SPTLC3: variants seen among roughly 807,000 people sequenced by gnomAD.
SPTLC3 encodes serine palmitoyltransferase 3.
Under a neutral mutation model 59.3 loss-of-function variants are expected in SPTLC3, and 36 were observed. That is an observed-to-expected ratio of 0.61 (90% CI 0.47 to 0.80). The LOEUF (loss-of-function observed/expected upper bound fraction) is 0.80. SPTLC3 is among the 30% of genes least tolerant of loss of function. The pLI, the probability that SPTLC3 is intolerant of heterozygous loss-of-function variation, is 0.00. For synonymous variants in SPTLC3, 257 were observed against 240.8 expected, an observed-to-expected ratio of 1.07 and a Z score of -0.62; for missense variants, 625 against 685.1, an observed-to-expected ratio of 0.91 and a Z score of 0.98.
At chr20:13,048,566 G>T (rs958061719) in intron 1 of SPTLC3, among the ~76,000 whole-genome samples, 1 of 152,198 alleles carries the variant, frequency 6.6e-6, no homozygotes, top group Non-Finnish European at 1.5e-5. Flanking sequence ...ACACATAACA[G>T]GAGTGTAGAG....
In SPTLC3 at chr20:13,160,011, C is replaced by G. The variant is rs1448493140; in HGVS notation, c.1424C>G (p.Ala475Gly). ...LYMPGKVAAF[A>G]RHMLEKKIGV... ...TTTTGCTTTTCCTTAAGGGCTTTTG[C>G]AAGGCATATGCTAGAGAAAAAAATT... Residue 475 changes from alanine to glycine, a missense_variant, in exon 11 of 12, where the codon GCA (alanine) becomes GGA (glycine). Transcript: ENST00000399002. The G allele has an allele frequency of 5.6e-6, 9 of 1,602,332 alleles. No individual in the cohort carries two copies. Among genetic ancestry groups the G allele is most frequent in the Middle Eastern group, 1.7e-4 (1 of 5,992 alleles).
intron 2 of SPTLC3, among the ~76,000 whole-genome samples, chr20:13,064,708 A>T (rs1045936428): frequency 1.3e-5 from 2 of 152,178 alleles, no homozygotes; most frequent in East Asian, 3.9e-4. Context: ...TTCTGTGTAT[A>T]CTTTAGAATT....
chr20:13,088,962 C>T (rs1030664313), intron 4 of SPTLC3, among the ~76,000 whole-genome samples: 15 of 152,172 alleles, frequency 9.9e-5, no homozygotes, highest in Admixed American at 9.2e-4. Context: ...CTTCTAATAA[C>T]TTTGGGGATA....
intron 2 of SPTLC3, among the ~76,000 whole-genome samples, chr20:13,052,041 G>T (rs1040771976): frequency 1.3e-5 from 2 of 152,020 alleles, no homozygotes; most frequent in African/African-American, 4.8e-5. Flanking sequence ...CAAACCAAAC[G>T]CAAACCCAGC....
At chr20:13,151,763 A>G (rs2038653270) in intron 9 of SPTLC3, among the ~76,000 whole-genome samples, 1 of 152,230 alleles carries the variant, frequency 6.6e-6, no homozygotes. Context: ...AGCCTAGTGA[A>G]AAAATGTTAG....
intron 7 of SPTLC3, among the ~76,000 whole-genome samples, chr20:13,115,717 T>C (rs890760838): frequency 7.2e-5 from 11 of 152,154 alleles, no homozygotes; most frequent in Non-Finnish European, 1.5e-4. Flanking sequence ...TTAGGACTCG[T>C]TGCAACCATT....
intron 3 of SPTLC3, 140 bp downstream of exon 3, chr20:13,072,550 C>T (rs1600251927): frequency 1.1e-6 from 1 of 914,542 alleles, no homozygotes; most frequent in Non-Finnish European, 1.6e-6. Flanking sequence ...GCAAGCCCTC[C>T]TGATGCCAGG....
intron 9 of SPTLC3, among the ~76,000 whole-genome samples, chr20:13,138,048 A>G (rs551977239): frequency 6.6e-6 from 1 of 152,322 alleles, no homozygotes; most frequent in Admixed American, 6.5e-5. Flanking sequence ...GACCTTCCCT[A>G]AACATCCTTT....
At chr20:13,020,940 A>G (rs2327445) in intron 1 of SPTLC3, among the ~76,000 whole-genome samples, 85,571 of 151,774 alleles carry the variant, frequency 0.56, 26,832 homozygotes, top group South Asian at 0.71. Context: ...ATTATTATCT[A>G]TTAACATTAG....
In SPTLC3 at chr20:13,162,187, T is replaced by A. The variant is rs547940012; in HGVS notation, c.1545+2055T>A. The stretch of plus-strand genomic sequence containing the variant: ...AAAATGTAGAAGGCTTGAGCATGTT[T>A]ACACATTAAGGGAAGAAGACAGTGA... On this transcript the variant is annotated intron_variant, in intron 11 of 11. Coordinates refer to ENST00000399002, the MANE Select transcript of SPTLC3 (RefSeq NM_018327.4). 7.9e-5 allele frequency among the ~76,000 whole-genome samples: 12 copies of A among 152,308 alleles called. No homozygotes were observed. In the South Asian group the frequency reaches 2.5e-3, roughly 32 times the overall value.
chr20:13,016,975 A>G (rs1458074556), intron 1 of SPTLC3, among the ~76,000 whole-genome samples: 6 of 152,178 alleles, frequency 3.9e-5, no homozygotes, highest in East Asian at 1.9e-4. Flanking sequence ...TCACCAACTT[A>G]TAAGTATCAA....
intron 1 of SPTLC3, among the ~76,000 whole-genome samples, chr20:13,039,110 C>G (rs1384912649): frequency 1.3e-5 from 2 of 151,902 alleles, no homozygotes; most frequent in Non-Finnish European, 2.9e-5. Context: ...TTTGGGGAGA[C>G]GTGTTCCATA....
chr20:13,157,289 T>C (rs146820713), intron 10 of SPTLC3, among the ~76,000 whole-genome samples: 4,504 of 149,550 alleles, frequency 0.03, 207 homozygotes, highest in African/African-American at 0.1. Flanking sequence ...AAAAAAAAAT[T>C]AGCTGGGCAT....
rs1402217986 is a variant in SPTLC3 at position 13,137,179 on chromosome 20, A to C, written c.1279+10462A>C. ...ACCAAGACCTGAGGAGGAAATATTCAATAGAAATGCTCCCTAGCAGAGGGC... is the reference window on the plus strand; with the variant it reads ...ACCAAGACCTGAGGAGGAAATATTCCATAGAAATGCTCCCTAGCAGAGGGC... On this transcript the variant is annotated intron_variant, in intron 9 of 11. Transcript: ENST00000399002. Among the ~76,000 whole-genome samples the C allele has an allele frequency of 2.0e-5, 3 of 152,210 alleles. No homozygotes were observed. The East Asian group carries it at 5.8e-4, about 29-fold the overall frequency.
chr20:13,143,015 T>C (rs977104115), intron 9 of SPTLC3, among the ~76,000 whole-genome samples: 4 of 152,260 alleles, frequency 2.6e-5, no homozygotes, highest in Non-Finnish European at 4.4e-5. Flanking sequence ...TGAACATCTC[T>C]GAAGTTTTGT....
chr20:13,019,418 T>G (rs769222979), intron 1 of SPTLC3, among the ~76,000 whole-genome samples: 3 of 152,194 alleles, frequency 2.0e-5, no homozygotes, highest in Non-Finnish European at 4.4e-5. Context: ...ACAGTGCTAT[T>G]TTCTCATTTG....
At chr20:13,035,143 T>C (rs1392424035) in intron 1 of SPTLC3, among the ~76,000 whole-genome samples, 1 of 152,180 alleles carries the variant, frequency 6.6e-6, no homozygotes, top group Non-Finnish European at 1.5e-5. Flanking sequence ...GTACCATTTG[T>C]CAGCTTTCAG....
intron 1 of SPTLC3, among the ~76,000 whole-genome samples, chr20:13,013,705 C>T (rs1346378528): frequency 1.3e-5 from 2 of 152,148 alleles, no homozygotes; most frequent in Non-Finnish European, 2.9e-5. Context: ...TTATAAATAG[C>T]TCACAGTATA....
chr20:13,117,706 G>C lies in SPTLC3; in HGVS notation c.1133G>C (p.Gly378Ala). The change falls in exon 8 of 12, where the codon GGT becomes GCT. Residue 378 changes from glycine (G) to alanine (A), a missense_variant. Physicochemically the swap from Gly to Ala is moderately conservative, Grantham distance 60 (BLOSUM62 0). Transcript: ENST00000399002. ...TFTKSFGASG[G>A]YIAGRKDLVD... is the part of the protein sequence containing the mutation. ...ACCAAAAGTTTTGGAGCTTCAGGAGGTTACATAGCTGGAAGGAAGGTAAGA... is the reference window on the plus strand; with the variant it reads ...ACCAAAAGTTTTGGAGCTTCAGGAGCTTACATAGCTGGAAGGAAGGTAAGA... 1 of 1,611,804 alleles carries C rather than the reference G, an allele frequency of 6.2e-7. No homozygotes were observed. Among genetic ancestry groups the C allele is most frequent in the South Asian group, 1.1e-5 (1 of 90,818 alleles).
Sources: allele counts gnomAD v4.1 joint callset (sites outside exome capture counted in the v4.1 genomes callset), GRCh38; gene constraint gnomAD v4.1.1; transcripts MANE v1.5; gene names NCBI Gene and HGNC (gene_info 2026-07-23, HGNC 2026-07-21).